The following SLC24A2 variants were observed in gnomAD, a reference collection of about 807,000 sequenced individuals.
SLC24A2 encodes the protein solute carrier family 24 member 2.
In SLC24A2, 36 loss-of-function variants were observed where a neutral mutation model predicts 62.0. The ratio of observed to expected loss-of-function variants is 0.58; its 90% CI spans 0.44 to 0.77. The LOEUF (loss-of-function observed/expected upper bound fraction) is 0.77, where lower values mean the gene tolerates loss of function less well. Among genes scored for constraint, SLC24A2 ranks in the 30% least tolerant of loss-of-function variants. SLC24A2 has a pLI of 0.00. For missense variants in SLC24A2, 846 were observed against 817.9 expected, an observed-to-expected ratio of 1.03 and a Z score of -0.42; for synonymous variants, 358 against 294.0, an observed-to-expected ratio of 1.22 and a Z score of -2.23.
At chr9:20,301,765 T>C in the SLC24A2 span, among the ~76,000 whole-genome samples, 2 of 152,146 alleles carry the variant, frequency 1.3e-5, no homozygotes, top group Admixed American at 1.3e-4. Context: ...TCAAAGTCCA[T>C]GGTTTACATT....
the SLC24A2 span, among the ~76,000 whole-genome samples, chr9:20,229,787 G>T: frequency 6.6e-6 from 1 of 151,584 alleles, no homozygotes; most frequent in South Asian, 2.1e-4. Flanking sequence ...CAACGTGCAG[G>T]TTTGTTACAT....
At chr9:20,253,801 G>A in the SLC24A2 span, among the ~76,000 whole-genome samples, 3 of 152,194 alleles carry the variant, frequency 2.0e-5, no homozygotes, top group South Asian at 6.2e-4. Context: ...GTCAGTTCAC[G>A]GGGGGTCAGA....
the SLC24A2 span, among the ~76,000 whole-genome samples, chr9:19,949,962 G>T: frequency 6.6e-6 from 1 of 152,316 alleles, no homozygotes; most frequent in Admixed American, 6.5e-5. Context: ...GAACTTATTA[G>T]AAATGCAGAA....
At chr9:20,086,734 T>C in the SLC24A2 span, among the ~76,000 whole-genome samples, 1 of 152,180 alleles carries the variant, frequency 6.6e-6, no homozygotes, top group African/African-American at 2.4e-5. Flanking sequence ...ACCACTTAGT[T>C]CCCAAAGCCT....
At chr9:20,256,232 T>C in the SLC24A2 span, among the ~76,000 whole-genome samples, 2 of 152,188 alleles carry the variant, frequency 1.3e-5, no homozygotes, top group East Asian at 1.9e-4. Flanking sequence ...GTTTAAACCA[T>C]AGTATTTGCT....
At chr9:19,575,876 G>A (rs551574479) in intron 6 of SLC24A2, among the ~76,000 whole-genome samples, 3 of 152,310 alleles carry the variant, frequency 2.0e-5, no homozygotes, top group African/African-American at 7.2e-5. Flanking sequence ...AACCTATGCG[G>A]TAGACTTTCA....
chr9:19,573,129 AGT>A (rs1443525110), intron 7 of SLC24A2, among the ~76,000 whole-genome samples: 2 of 152,272 alleles, frequency 1.3e-5, no homozygotes, highest in East Asian at 3.9e-4. Context: ...CTGGAGAAAC[AGT>A]GGCTTAGAGA....
chr9:19,894,256 G>C, the SLC24A2 span, among the ~76,000 whole-genome samples: 1 of 152,184 alleles, frequency 6.6e-6, no homozygotes, highest in Non-Finnish European at 1.5e-5. Context: ...CCAAGGAGAG[G>C]AGGCAGAGTG....
At chr9:20,285,434 G>T in the SLC24A2 span, among the ~76,000 whole-genome samples, 1 of 152,192 alleles carries the variant, frequency 6.6e-6, no homozygotes, top group Non-Finnish European at 1.5e-5. Flanking sequence ...CTAGAACCAG[G>T]ATGAACTGAT....
At chr9:19,890,962 G>A in the SLC24A2 span, among the ~76,000 whole-genome samples, 1 of 152,098 alleles carries the variant, frequency 6.6e-6, no homozygotes. Flanking sequence ...TATGAAAAAA[G>A]GATGATTGAT....
At chr9:20,110,619 T>G in the SLC24A2 span, among the ~76,000 whole-genome samples, 3 of 152,138 alleles carry the variant, frequency 2.0e-5, no homozygotes, top group Non-Finnish European at 2.9e-5. Flanking sequence ...TCAGTAAAAG[T>G]GTGGCTAAAA....
chr9:20,077,863 T>A, the SLC24A2 span, among the ~76,000 whole-genome samples: 2 of 152,160 alleles, frequency 1.3e-5, no homozygotes, highest in African/African-American at 2.4e-5. Flanking sequence ...TAGGGTGACT[T>A]TTCTACCCAT....
chr9:20,100,689 T>C, the SLC24A2 span, among the ~76,000 whole-genome samples: 1 of 152,346 alleles, frequency 6.6e-6, no homozygotes, highest in Admixed American at 6.5e-5. Context: ...CTACTACTGA[T>C]AAGAAAGTTA....
intron 2 of SLC24A2, among the ~76,000 whole-genome samples, chr9:19,631,263 T>C (rs1292832652): frequency 6.6e-6 from 1 of 152,190 alleles, no homozygotes; most frequent in African/African-American, 2.4e-5. Context: ...TGAAGGTAAA[T>C]AGCTTCGTCT....
chr9:19,984,118 C>A, the SLC24A2 span, among the ~76,000 whole-genome samples: 6 of 152,002 alleles, frequency 3.9e-5, no homozygotes, highest in Admixed American at 2.6e-4. Flanking sequence ...AGAATGTAAC[C>A]CTGTTGTAAG....
the SLC24A2 span, among the ~76,000 whole-genome samples, chr9:20,238,089 G>A: frequency 1.3e-5 from 2 of 152,136 alleles, no homozygotes; most frequent in African/African-American, 4.8e-5. Flanking sequence ...ACATGTGGGT[G>A]GTCCAGCTGA....
At chr9:19,833,165 G>C in the SLC24A2 span, among the ~76,000 whole-genome samples, 1 of 152,134 alleles carries the variant, frequency 6.6e-6, no homozygotes, top group Non-Finnish European at 1.5e-5. Flanking sequence ...CAGAAAATGG[G>C]TGATTTCTGC....
chr9:20,004,518 A>G, the SLC24A2 span, among the ~76,000 whole-genome samples: 1 of 152,368 alleles, frequency 6.6e-6, no homozygotes, highest in Admixed American at 6.5e-5. Flanking sequence ...AAATTTGTGT[A>G]TGAGACTACC....
rs903150275 is a variant in SLC24A2 at position 19,788,907 on chromosome 9, C to T, written c.-176G>A. 3.9e-5 allele frequency: 38 copies of T among 985,266 alleles called. No homozygotes were observed. In the Middle Eastern group the frequency reaches 2.6e-3, roughly 67 times the overall value. 61.0% of individuals were successfully genotyped at this position (985,266 alleles called of 1,614,324 possible). Reference sequence around the variant, plus strand: ...TACCAGGATAAGATGGGAGGACGCGCACACGGCGGGGCCCCCGAGCGCGGC... The same window carrying T: ...TACCAGGATAAGATGGGAGGACGCGTACACGGCGGGGCCCCCGAGCGCGGC... On this transcript the variant is annotated 5_prime_UTR_variant, in exon 1 of 11. Transcript: ENST00000341998.
Sources: gnomAD v4.1 joint callset for allele counts (sites outside exome capture counted in the v4.1 genomes callset) on GRCh38, gnomAD v4.1.1 for gene constraint, MANE v1.5 for transcripts, NCBI Gene and HGNC (gene_info 2026-07-23, HGNC 2026-07-21) for gene names.